The following CHD1 variants were observed in gnomAD, a reference collection of about 807,000 sequenced individuals.
CHD1 encodes chromodomain helicase DNA binding protein 1.
A neutral mutation model predicts 224.2 loss-of-function variants in CHD1; 36 were observed. The ratio of observed to expected loss-of-function variants is 0.16; its 90% CI spans 0.12 to 0.21. The LOEUF is 0.21. Among genes scored for constraint, CHD1 ranks in the 10% least tolerant of loss-of-function variants. The probability of loss-of-function intolerance (pLI) is 1.00; values close to 1 mark genes in which losing one functional copy is unlikely to be tolerated. For synonymous variants in CHD1, 668 were observed against 658.3 expected (o/e 1.01, Z -0.23); for missense variants, 1,378 against 1,994.8 (o/e 0.69, Z 5.89).
Position 98,888,188 on chromosome 5 carries a change from C to T in CHD1, c.2396G>A (p.Arg799His). 1 of 1,611,042 alleles carries T rather than the reference C, an allele frequency of 6.2e-7. No individual in the cohort carries two copies. The highest frequency in any genetic ancestry group is 8.5e-7 in the Non-Finnish European group (1 of 1,178,254). The change falls in exon 17 of 36, where the codon CGC (arginine) becomes CAC (histidine). Residue 799 changes from arginine to histidine, a missense_variant. Arg to His is a conservative substitution (Grantham distance 29). Coordinates refer to ENST00000614616, the MANE Select transcript of CHD1 (RefSeq NM_001270.4). ...KLILLDKLLI[R>H]LRERGNRVLI... Reference sequence around the variant, plus strand: ...AACTCGATTGCCTCGTTCTCTTAGGCGAATTAATAGCTTGTCAAGAAGAAT... The same window carrying T: ...AACTCGATTGCCTCGTTCTCTTAGGTGAATTAATAGCTTGTCAAGAAGAAT...
intron 5 of CHD1, 88 bp from the exon 6 acceptor site, chr5:98,901,423 A>C: frequency 9.9e-7 from 1 of 1,010,728 alleles, no homozygotes. Flanking sequence ...CAACCAAACT[A>C]TATTCGCTAT....
chr5:98,907,113 G>A (rs1262518863), intron 2 of CHD1, among the ~76,000 whole-genome samples: 1 of 152,120 alleles, frequency 6.6e-6, no homozygotes, highest in Non-Finnish European at 1.5e-5. Flanking sequence ...ATTCTTAAAT[G>A]AATACAGAAA....
In CHD1 at chr5:98,856,659, A is replaced by G. The variant is rs138975765; in HGVS notation, c.4854T>C (p.Asn1618=). 2.0e-4 allele frequency: 323 copies of G among 1,613,606 alleles called. No individual in the cohort carries two copies. The highest frequency in any genetic ancestry group is 2.4e-4 in the Non-Finnish European group (289 of 1,179,780). ...ATCTATCTTTTAAACTTCCTTCCAA[A>G]TTTGACCTGTGATCTCTACTCCTGT... is the stretch of plus-strand genomic sequence containing the variant. The part of the protein sequence containing the change: ...DDHRSRDHRS[N]LEGSLKDRSH... Residue 1618 remains asparagine (N), a synonymous_variant, in exon 36 of 36, where the codon AAT becomes AAC. Transcript: ENST00000614616.
At chr5:98,890,912 A>G (rs1355543483) in intron 15 of CHD1, among the ~76,000 whole-genome samples, 1 of 152,184 alleles carries the variant, frequency 6.6e-6, no homozygotes, top group African/African-American at 2.4e-5. Flanking sequence ...TCAGAGACAA[A>G]TCAATTGCCA....
chr5:98,895,958 G>C (rs1309092091), intron 12 of CHD1, among the ~76,000 whole-genome samples: 1 of 152,046 alleles, frequency 6.6e-6, no homozygotes, highest in African/African-American at 2.4e-5. Context: ...TGTAATCTCA[G>C]CACTTTGGGA....
intron 28 of CHD1, 67 bp from the exon 29 acceptor site, chr5:98,870,870 A>G (rs1228166639): frequency 1.6e-5 from 14 of 895,022 alleles, no homozygotes; most frequent in African/African-American, 3.4e-5. Context: ...TGGCTAAAAA[A>G]TGCTTAACCA....
intron 8 of CHD1, 43 bp from the exon 9 acceptor site, chr5:98,898,807 T>G (rs1751506171): frequency 9.0e-7 from 1 of 1,105,522 alleles, no homozygotes; most frequent in African/African-American, 1.5e-5. Context: ...AAATCTCCCA[T>G]AAATAACCTT....
chr5:98,887,602 A>T lies in CHD1; in HGVS notation c.2496+486T>A, dbSNP rs192959050. On this transcript the variant is annotated intron_variant, in intron 17 of 35. Coordinates refer to ENST00000614616, the MANE Select transcript of CHD1 (RefSeq NM_001270.4). The stretch of plus-strand genomic sequence containing the variant: ...ATGAACTTCAATATAAATTTTGAAT[A>T]GATGGAAGGGAATTTTGGTCTTTAG... Among the ~76,000 whole-genome samples the T allele has an allele frequency of 5.6e-3, 846 of 152,260 alleles. 8 individuals are homozygous for T. The highest frequency in any genetic ancestry group is 0.019 in the African/African-American group (785 of 41,548).
intron 2 of CHD1, among the ~76,000 whole-genome samples, chr5:98,922,364 C>T (rs186302970): frequency 6.6e-6 from 1 of 152,300 alleles, no homozygotes; most frequent in Non-Finnish European, 1.5e-5. Flanking sequence ...TTCTTAGTAA[C>T]TAAATTTCAA....
chr5:98,925,981 ATT>A (rs1486145443), intron 2 of CHD1, among the ~76,000 whole-genome samples: 1 of 151,888 alleles, frequency 6.6e-6, no homozygotes, highest in African/African-American at 2.4e-5. Flanking sequence ...GAGTGAAAAA[ATT>A]TTTATTGCCT....
At chr5:98,874,226 A>AT (rs1244580729) in intron 25 of CHD1, among the ~76,000 whole-genome samples, 4 of 152,200 alleles carry the variant, frequency 2.6e-5, no homozygotes, top group Admixed American at 2.6e-4. Flanking sequence ...GAGTAAAAAA[A>AT]TAAACTAATT....
At chr5:98,861,718 G>A (rs889264451) in intron 32 of CHD1, among the ~76,000 whole-genome samples, 2 of 149,364 alleles carry the variant, frequency 1.3e-5, no homozygotes, top group Non-Finnish European at 3.0e-5. Context: ...TAGCCAGGAT[G>A]GTCTCAATCT....
In CHD1 at chr5:98,903,831, T is replaced by TTGC. The variant is rs749234375; in HGVS notation, c.330_332dup (p.Gln113dup). The TTGC allele has an allele frequency of 5.6e-6, 9 of 1,613,506 alleles. No individual in the cohort carries two copies. In the Admixed American group the frequency reaches 1.0e-4, roughly 18 times the overall value. ...TATTAGATGAGGCTTGATGTTGTTG[T>TTGC]TGCTGCTGCTGCTGTTGCTGCTTCT... On this transcript the variant is annotated inframe_insertion, in exon 4 of 36. Coordinates refer to ENST00000614616, the MANE Select transcript of CHD1 (RefSeq NM_001270.4).
intron 3 of CHD1, 70 bp downstream of exon 3, chr5:98,904,827 A>G: frequency 7.5e-7 from 1 of 1,338,920 alleles, no homozygotes; most frequent in Non-Finnish European, 1.1e-6. Context: ...AGAATGGTAT[A>G]AACCAATCCT....
At chr5:98,911,913 A>C (rs1392498672) in intron 2 of CHD1, among the ~76,000 whole-genome samples, 4 of 152,234 alleles carry the variant, frequency 2.6e-5, no homozygotes, top group Non-Finnish European at 5.9e-5. Flanking sequence ...AAGATGATTG[A>C]CCAAACTGGA....
chr5:98,871,565 T>C (rs1305530310), intron 28 of CHD1, among the ~76,000 whole-genome samples: 1 of 151,866 alleles, frequency 6.6e-6, no homozygotes, highest in African/African-American at 2.4e-5. Flanking sequence ...AGACCTAGTG[T>C]TTGATAGGTG....
chr5:98,879,176 G>A (rs1749984158), intron 23 of CHD1, among the ~76,000 whole-genome samples: 1 of 152,230 alleles, frequency 6.6e-6, no homozygotes, highest in Non-Finnish European at 1.5e-5. Context: ...TAAGGTTGCA[G>A]TGAGCCAGAA....
At chr5:98,920,796 CAAAA>C (rs1232499151) in intron 2 of CHD1, among the ~76,000 whole-genome samples, 1 of 82,222 alleles carries the variant, frequency 1.2e-5, no homozygotes, top group African/African-American at 3.9e-5. Flanking sequence ...GACGCCGTCT[CAAAA>C]AAAAAAAAAA....
intron 17 of CHD1, chr5:98,886,181 G>C (rs1437558413): frequency 1.3e-5 from 2 of 152,240 alleles, no homozygotes; most frequent in Non-Finnish European, 2.9e-5. Context: ...GTTTAGCAAA[G>C]GCCATCCAGT....
Sources: gnomAD v4.1 joint callset for allele counts (sites outside exome capture counted in the v4.1 genomes callset) on GRCh38, gnomAD v4.1.1 for gene constraint, MANE v1.5 for transcripts, NCBI Gene and HGNC (gene_info 2026-07-23, HGNC 2026-07-21) for gene names.